The following ATP8A1 variants were observed in gnomAD, a reference collection of about 807,000 sequenced individuals.
ATP8A1 encodes phospholipid-transporting ATPase IA.
A neutral mutation model predicts 177.7 loss-of-function variants in ATP8A1; 90 were observed. The observed-to-expected ratio is 0.51, with a 90% CI of 0.43 to 0.60. The LOEUF (loss-of-function observed/expected upper bound fraction) is 0.60, where lower values mean the gene tolerates loss of function less well. Among genes scored for constraint, ATP8A1 ranks in the 20% least tolerant of loss-of-function variants. The probability of loss-of-function intolerance (pLI) is 0.00; values close to 1 mark genes in which losing one functional copy is unlikely to be tolerated. For missense variants in ATP8A1, 1,072 were observed against 1,392.8 expected (o/e 0.77, Z 3.67); for synonymous variants, 493 against 485.9 (o/e 1.01, Z -0.19).
chr4:42,498,193 CCTT>C (rs1241061965), intron 24 of ATP8A1, among the ~76,000 whole-genome samples: 2 of 152,066 alleles, frequency 1.3e-5, no homozygotes, highest in Admixed American at 6.5e-5. Flanking sequence ...CTCTTTTTTC[CCTT>C]CTTTTCTGGA....
intron 1 of ATP8A1, among the ~76,000 whole-genome samples, chr4:42,643,307 T>C (rs997064440): frequency 2.0e-5 from 3 of 152,218 alleles, no homozygotes; most frequent in African/African-American, 7.2e-5. Context: ...GATTTTAGGA[T>C]GAATGCAATA....
Position 42,455,566 on chromosome 4 carries a change from G to C in ATP8A1, c.2653C>G (p.Gln885Glu), listed in dbSNP as rs1246677550. Residue 885 changes from glutamine (Q) to glutamate (E), a missense_variant, in exon 28 of 37, where the codon CAG (glutamine) becomes GAG (glutamate). Transcript: ENST00000381668. ...WFAFVNGFSG[Q>E]ILFERWCIGL... is the part of the protein sequence containing the mutation. ...ATACACCATCTTTCAAAGAGGATCTGTCCAGAAAAGCCATTAACAAAGGCA... is the reference window on the plus strand; with the variant it reads ...ATACACCATCTTTCAAAGAGGATCTCTCCAGAAAAGCCATTAACAAAGGCA... The C allele has an allele frequency of 6.2e-7, 1 of 1,613,554 alleles. No individual in the cohort carries two copies. Among genetic ancestry groups the C allele is most frequent in the Non-Finnish European group, 8.5e-7 (1 of 1,179,744 alleles).
chr4:42,446,192 G>A (rs6833339), intron 31 of ATP8A1, among the ~76,000 whole-genome samples: 1 of 150,886 alleles, frequency 6.6e-6, no homozygotes, highest in East Asian at 2.0e-4. Context: ...CATGACATAC[G>A]CTCTGATCTA....
chr4:42,452,564 C>A (rs1718044662), intron 29 of ATP8A1, among the ~76,000 whole-genome samples: 1 of 152,072 alleles, frequency 6.6e-6, no homozygotes, highest in African/African-American at 2.4e-5. Context: ...CTCGTTATAG[C>A]CAGTATTATA....
intron 21 of ATP8A1, 112 bp downstream of exon 21, chr4:42,524,651 A>G (rs367949572): frequency 1.5e-5 from 9 of 590,088 alleles, no homozygotes; most frequent in African/African-American, 5.7e-5. Flanking sequence ...CCAACAGCTG[A>G]TATCTTACTT....
chr4:42,505,619 T>C (rs1458627763), intron 23 of ATP8A1, among the ~76,000 whole-genome samples: 1 of 152,190 alleles, frequency 6.6e-6, no homozygotes, highest in Non-Finnish European at 1.5e-5. Context: ...TTTTAAAAAA[T>C]AAACTGAATT....
intron 15 of ATP8A1, 51 bp downstream of exon 15, chr4:42,569,110 A>G: frequency 7.6e-7 from 1 of 1,307,440 alleles, no homozygotes. Flanking sequence ...AAACAATAAA[A>G]TGCAAACCTT....
At chr4:42,582,770 C>G (rs1733227505) in intron 9 of ATP8A1, among the ~76,000 whole-genome samples, 1 of 152,048 alleles carries the variant, frequency 6.6e-6, no homozygotes, top group Non-Finnish European at 1.5e-5. Context: ...ACACATTTTT[C>G]ATGAATAAGG....
At chr4:42,418,482 G>A (rs1381246914) in intron 35 of ATP8A1, among the ~76,000 whole-genome samples, 2 of 152,160 alleles carry the variant, frequency 1.3e-5, no homozygotes, top group Non-Finnish European at 2.9e-5. Flanking sequence ...AGGTTTAAAT[G>A]TTCAGGACTA....
intron 33 of ATP8A1, among the ~76,000 whole-genome samples, chr4:42,433,943 T>TA (rs925766372): frequency 1.3e-5 from 2 of 151,846 alleles, no homozygotes; most frequent in African/African-American, 4.8e-5. Flanking sequence ...TTAATTTTTA[T>TA]AAAAAATTTT....
chr4:42,409,278 CATTT>C lies in ATP8A1; in HGVS notation c.*3634_*3637del, dbSNP rs1249794162. On this transcript the variant is annotated 3_prime_UTR_variant, in exon 37 of 37. Coordinates refer to ENST00000381668, the MANE Select transcript of ATP8A1 (RefSeq NM_006095.2). ...GTAAATCAAGACGAAATATGGAAAA[CATTT>C]ATTTCCTTTCCTTCAAAATTTAACT... The C allele has an allele frequency of 6.6e-6, 1 of 152,102 alleles. No individual in the cohort carries two copies. The highest frequency in any genetic ancestry group is 2.4e-5 in the African/African-American group (1 of 41,426). 9.4% of individuals were successfully genotyped at this position (152,102 alleles called of 1,614,324 possible). A position where few individuals can be genotyped will look rare whatever the true frequency, so the allele number is the denominator to read the frequency against.
At chr4:42,483,426 G>A (rs1356493311) in intron 25 of ATP8A1, among the ~76,000 whole-genome samples, 4 of 151,426 alleles carry the variant, frequency 2.6e-5, no homozygotes, top group East Asian at 1.9e-4. Flanking sequence ...CAGTGTCTGC[G>A]TAGGGACCTC....
chr4:42,563,660 C>T (rs1323055755), intron 15 of ATP8A1, among the ~76,000 whole-genome samples: 3 of 152,192 alleles, frequency 2.0e-5, no homozygotes, highest in Non-Finnish European at 4.4e-5. Context: ...GGTCCCCATG[C>T]TGTGTGCAGT....
At chr4:42,509,445 C>T (rs188717921) in intron 22 of ATP8A1, among the ~76,000 whole-genome samples, 3 of 152,300 alleles carry the variant, frequency 2.0e-5, no homozygotes, top group East Asian at 1.9e-4. Context: ...AGGATGGGCA[C>T]GCACATGCAT....
At chr4:42,605,530 T>C (rs1560510615) in intron 5 of ATP8A1, among the ~76,000 whole-genome samples, 1 of 152,152 alleles carries the variant, frequency 6.6e-6, no homozygotes, top group Non-Finnish European at 1.5e-5. Flanking sequence ...CAGAGAGTCT[T>C]CACTCAATAA....
intron 22 of ATP8A1, among the ~76,000 whole-genome samples, chr4:42,511,332 T>C (rs182239268): frequency 5.3e-5 from 8 of 152,350 alleles, no homozygotes; most frequent in Admixed American, 3.3e-4. Flanking sequence ...ATCCCAAATA[T>C]GTATTACCTT....
chr4:42,486,367 G>A (rs532831566), intron 24 of ATP8A1, among the ~76,000 whole-genome samples: 14 of 152,276 alleles, frequency 9.2e-5, no homozygotes, highest in East Asian at 7.7e-4. Context: ...TAAGCATGTC[G>A]GGGCAAATAT....
intron 1 of ATP8A1, among the ~76,000 whole-genome samples, chr4:42,635,746 CATATATAT>C (rs768168762): frequency 8.4e-6 from 1 of 119,486 alleles, no homozygotes; most frequent in East Asian, 2.4e-4. Context: ...CACATATATA[CATATATAT>C]ACACACACAC....
intron 11 of ATP8A1, among the ~76,000 whole-genome samples, chr4:42,579,597 A>C (rs1732812536): frequency 6.6e-6 from 1 of 151,932 alleles, no homozygotes; most frequent in Non-Finnish European, 1.5e-5. Flanking sequence ...ACCACTATAG[A>C]GTGCTCATTA....
Sources: allele counts gnomAD v4.1 joint callset (sites outside exome capture counted in the v4.1 genomes callset), GRCh38; gene constraint gnomAD v4.1.1; transcripts MANE v1.5; gene names NCBI Gene and HGNC (gene_info 2026-07-23, HGNC 2026-07-21).